The following CDKL2 variants were observed in gnomAD, a reference collection of about 807,000 sequenced individuals.
The protein encoded by CDKL2 is cyclin dependent kinase like 2.
A neutral mutation model predicts 63.9 loss-of-function variants in CDKL2; 64 were observed. That is an observed-to-expected ratio of 1.00 (90% CI 0.82 to 1.23). The LOEUF (loss-of-function observed/expected upper bound fraction) is 1.23. CDKL2 is among the 50% of genes most tolerant of loss of function. The pLI, the probability that CDKL2 is intolerant of heterozygous loss-of-function variation, is 0.00. For synonymous variants in CDKL2, 211 were observed against 229.2 expected (o/e 0.92, Z 0.72); for missense variants, 656 against 668.0 (o/e 0.98, Z 0.20).
intron 12 of CDKL2, among the ~76,000 whole-genome samples, chr4:75,589,305 T>C: frequency 7.2e-6 from 1 of 138,970 alleles, no homozygotes; most frequent in South Asian, 2.4e-4. Context: ...GTTTCTTTTT[T>C]TTTTTTTTTT....
chr4:75,600,859 C>T (rs1390113444), intron 6 of CDKL2, among the ~76,000 whole-genome samples: 1 of 152,182 alleles, frequency 6.6e-6, no homozygotes, highest in Non-Finnish European at 1.5e-5. Context: ...GACCACCAAA[C>T]ATTCAGTGTC....
chr4:75,598,637 C>T (rs1729046663), intron 7 of CDKL2, among the ~76,000 whole-genome samples: 1 of 149,786 alleles, frequency 6.7e-6, no homozygotes, highest in Non-Finnish European at 1.5e-5. Context: ...TCTGATGAAT[C>T]AGCAAAAAGG....
chr4:75,615,004 C>T (rs1729874237), intron 2 of CDKL2, among the ~76,000 whole-genome samples: 1 of 113,618 alleles, frequency 8.8e-6, no homozygotes, highest in African/African-American at 4.5e-5. Context: ...GTGAAAACAT[C>T]CCTAGAACTG....
intron 13 of CDKL2, among the ~76,000 whole-genome samples, chr4:75,580,604 T>C (rs1265704771): frequency 6.6e-6 from 1 of 151,236 alleles, no homozygotes; most frequent in Non-Finnish European, 1.5e-5. Context: ...GAGGCAGAGA[T>C]TGCAGTGAGC....
chr4:75,622,315 T>C (rs1485972916), intron 2 of CDKL2, among the ~76,000 whole-genome samples: 5 of 152,152 alleles, frequency 3.3e-5, no homozygotes, highest in Non-Finnish European at 5.9e-5. Flanking sequence ...TTATAAGAGA[T>C]ATACTTTACA....
At chr4:75,609,737 T>C (rs1184131861) in intron 3 of CDKL2, among the ~76,000 whole-genome samples, 13 of 150,560 alleles carry the variant, frequency 8.6e-5, no homozygotes. Context: ...ATAAGCAAAT[T>C]GTATTTTGAA....
chr4:75,589,600 G>T (rs560993136), intron 12 of CDKL2, among the ~76,000 whole-genome samples: 2 of 152,010 alleles, frequency 1.3e-5, no homozygotes, highest in South Asian at 4.1e-4. Context: ...CACCGCGCCC[G>T]GCCGATAGTT....
chr4:75,613,685 C>A (rs976346149), intron 3 of CDKL2, among the ~76,000 whole-genome samples: 1 of 152,072 alleles, frequency 6.6e-6, no homozygotes, highest in African/African-American at 2.4e-5. Context: ...ATACACAGAC[C>A]CTTGGGTCTA....
Position 75,607,310 on chromosome 4 carries a change from C to T in CDKL2, c.415G>A (p.Val139Ile), listed in dbSNP as rs776857695. The change falls in exon 4 of 14, where the codon GTT becomes ATT. Residue 139 changes from valine (V) to isoleucine (I), a missense_variant. Coordinates refer to ENST00000307465, the MANE Select transcript of CDKL2 (RefSeq NM_001330724.2). The stretch of plus-strand genomic sequence containing the variant: ...AATCCAAAATCGCATAGCTTGACAA[C>T]GCCAGACTGGGAGACTAATATATTC... ...PENILVSQSG[V>I]VKLCDFGFAR... 3 of 1,613,916 alleles carry T rather than the reference C, an allele frequency of 1.9e-6. No homozygotes were observed. The highest frequency in any genetic ancestry group is 2.2e-5 in the East Asian group (1 of 44,896).
intron 6 of CDKL2, among the ~76,000 whole-genome samples, chr4:75,602,905 T>A (rs1248194138): frequency 6.6e-6 from 1 of 152,140 alleles, no homozygotes; most frequent in Admixed American, 6.5e-5. Flanking sequence ...GTAAAAATCA[T>A]ACAGTGTTTT....
At chr4:75,594,738 G>A (rs1728845887) in intron 10 of CDKL2, among the ~76,000 whole-genome samples, 1 of 152,158 alleles carries the variant, frequency 6.6e-6, no homozygotes, top group African/African-American at 2.4e-5. Context: ...GGGGAAGAAT[G>A]TTCCAAAGCA....
chr4:75,592,586 T>G (rs1276676855), intron 10 of CDKL2, among the ~76,000 whole-genome samples: 1 of 152,338 alleles, frequency 6.6e-6, no homozygotes, highest in East Asian at 1.9e-4. Flanking sequence ...CGCTGGTTCT[T>G]CAGGCCAGCA....
chr4:75,594,020 A>G (rs1243283316), intron 10 of CDKL2, among the ~76,000 whole-genome samples: 2 of 152,234 alleles, frequency 1.3e-5, no homozygotes, highest in African/African-American at 2.4e-5. Flanking sequence ...TTCAACTTGT[A>G]GGTTAAAGGA....
chr4:75,581,029 T>C (rs1187178921), intron 13 of CDKL2, among the ~76,000 whole-genome samples: 2 of 152,166 alleles, frequency 1.3e-5, no homozygotes, highest in African/African-American at 4.8e-5. Context: ...AAAAGTTATA[T>C]TTAAAAGGAA....
At chr4:75,620,980 G>C (rs1474393692) in intron 2 of CDKL2, among the ~76,000 whole-genome samples, 2 of 151,436 alleles carry the variant, frequency 1.3e-5, no homozygotes, top group East Asian at 1.9e-4. Context: ...CTGTTGCCAA[G>C]GCTGGAGTGC....
rs552798213 is a variant in CDKL2 at position 75,602,453 on chromosome 4, C to G, written c.795+1364G>C. 1.4e-4 allele frequency among the ~76,000 whole-genome samples: 21 copies of G among 152,320 alleles called. No homozygotes were observed. In the East Asian group the frequency reaches 4.0e-3, roughly 29 times the overall value. On this transcript the variant is annotated intron_variant, in intron 6 of 13. Coordinates refer to ENST00000307465, the MANE Select transcript of CDKL2 (RefSeq NM_001330724.2). ...TCGGCCGCCCAAACTGCTGGGATTA[C>G]AGGCATGAGCCACCATGCCCGGCCA...
Position 75,576,560 on chromosome 4 carries a change from C to T in CDKL2, c.*2642G>A, listed in dbSNP as rs900597332. ...TAAGCACCCTCTTCTAGTGCAAAAA[C>T]ACTTAATGCAAAAAACAACAGAGAA... On this transcript the variant is annotated 3_prime_UTR_variant, in exon 14 of 14. Coordinates refer to ENST00000307465, the MANE Select transcript of CDKL2 (RefSeq NM_001330724.2). Among the ~76,000 whole-genome samples, 4 of 152,130 alleles carry T rather than the reference C, an allele frequency of 2.6e-5. No individual in the cohort carries two copies. Among genetic ancestry groups the T allele is most frequent in the Non-Finnish European group, 4.4e-5 (3 of 68,022 alleles).
intron 3 of CDKL2, among the ~76,000 whole-genome samples, 168 bp from the exon 4 acceptor site, chr4:75,607,529 C>T (rs1257046917): frequency 6.6e-6 from 1 of 152,096 alleles, no homozygotes; most frequent in Non-Finnish European, 1.5e-5. Context: ...GAAAGAACAT[C>T]TATACTTGAA....
chr4:75,584,389 G>A lies in CDKL2; in HGVS notation c.1648-2491C>T, dbSNP rs372204618. ...AGGGACTTCTGCCCTACAACCATAT[G>A]GAACTAAATTAGCCCAACAACCCAA... On this transcript the variant is annotated intron_variant, in intron 12 of 13. Transcript: ENST00000307465. 6.9e-4 allele frequency among the ~76,000 whole-genome samples: 105 copies of A among 152,236 alleles called. No individual in the cohort carries two copies. The East Asian group carries it at 0.013, about 18-fold the overall frequency.
Sources: allele counts gnomAD v4.1 joint callset (sites outside exome capture counted in the v4.1 genomes callset), GRCh38; gene constraint gnomAD v4.1.1; transcripts MANE v1.5; gene names NCBI Gene and HGNC (gene_info 2026-07-23, HGNC 2026-07-21).